Variants in CNTNAP5 observed in about 807,000 individuals in gnomAD.
CNTNAP5 encodes contactin-associated protein-like 5.
In CNTNAP5, 72 loss-of-function variants were observed where a neutral mutation model predicts 150.2. That is an observed-to-expected ratio of 0.48 (90% confidence interval 0.40 to 0.58). CNTNAP5 has a LOEUF of 0.58. CNTNAP5 is among the 20% of genes least tolerant of loss of function. The pLI is 0.00. For missense variants in CNTNAP5, 1,636 were observed against 1,626.2 expected, an observed-to-expected ratio of 1.01 and a Z score of -0.10; for synonymous variants, 672 against 619.8, an observed-to-expected ratio of 1.08 and a Z score of -1.25.
At chr2:124,441,915 T>TA (rs973031191) in intron 5 of CNTNAP5, among the ~76,000 whole-genome samples, 3 of 149,866 alleles carry the variant, frequency 2.0e-5, no homozygotes, top group Admixed American at 2.0e-4. Context: ...GGAGCAATGC[T>TA]AATCCACTTT....
At chr2:124,678,904 A>G (rs985203828) in intron 13 of CNTNAP5, among the ~76,000 whole-genome samples, 5 of 151,962 alleles carry the variant, frequency 3.3e-5, no homozygotes, top group Non-Finnish European at 7.3e-5. Context: ...GCTTAGCACA[A>G]TGCTTGGCAT....
chr2:124,876,645 AGTGACTC>A (rs1217590502), intron 21 of CNTNAP5, among the ~76,000 whole-genome samples: 2 of 151,992 alleles, frequency 1.3e-5, no homozygotes, highest in Non-Finnish European at 2.9e-5. Context: ...TAGCTTCCAA[AGTGACTC>A]CTCTAAAAGA....
At chr2:124,746,246 G>A (rs1485329343) in intron 13 of CNTNAP5, among the ~76,000 whole-genome samples, 3 of 152,090 alleles carry the variant, frequency 2.0e-5, no homozygotes, top group Non-Finnish European at 4.4e-5. Flanking sequence ...TCATCTGCCT[G>A]TCTTGTTTTG....
At chr2:124,806,206 A>G (rs989551940) in intron 19 of CNTNAP5, among the ~76,000 whole-genome samples, 2 of 152,104 alleles carry the variant, frequency 1.3e-5, no homozygotes, top group African/African-American at 2.4e-5. Context: ...TTCACCTCTG[A>G]TTATTCTTGG....
chr2:124,164,290 G>A (rs1048723499), intron 1 of CNTNAP5, among the ~76,000 whole-genome samples: 6 of 152,102 alleles, frequency 3.9e-5, no homozygotes, highest in South Asian at 2.1e-4. Context: ...TACATGGAGC[G>A]GTGCAGTGAC....
chr2:124,457,986 A>G (rs921295111), intron 6 of CNTNAP5, among the ~76,000 whole-genome samples: 1 of 150,176 alleles, frequency 6.7e-6, no homozygotes, highest in South Asian at 2.1e-4. Flanking sequence ...TAGTACAACC[A>G]CTATGGAAAA....
At chr2:124,868,171 A>G (rs1207957245) in intron 20 of CNTNAP5, among the ~76,000 whole-genome samples, 1 of 152,116 alleles carries the variant, frequency 6.6e-6, no homozygotes, top group Non-Finnish European at 1.5e-5. Flanking sequence ...TCCTCAACAT[A>G]GCAGTCAGAG....
chr2:124,763,259 G>A (rs918997457), intron 14 of CNTNAP5, among the ~76,000 whole-genome samples: 8 of 152,148 alleles, frequency 5.3e-5, no homozygotes, highest in African/African-American at 1.9e-4. Context: ...GCTGAAACAA[G>A]TCCTTGGAGT....
intron 1 of CNTNAP5, among the ~76,000 whole-genome samples, chr2:124,135,895 A>G (rs921514511): frequency 1.3e-5 from 2 of 152,148 alleles, no homozygotes; most frequent in African/African-American, 2.4e-5. Flanking sequence ...GACAATCACA[A>G]TCTCCTTCAC....
intron 1 of CNTNAP5, among the ~76,000 whole-genome samples, chr2:124,138,210 C>T (rs1300008833): frequency 1.3e-5 from 2 of 152,178 alleles, no homozygotes; most frequent in Non-Finnish European, 2.9e-5. Flanking sequence ...ACTGATGAGA[C>T]ACTAAGTGTA....
chr2:124,538,454 G>C (rs1405909545), intron 10 of CNTNAP5, among the ~76,000 whole-genome samples: 1 of 151,714 alleles, frequency 6.6e-6, no homozygotes, highest in Non-Finnish European at 1.5e-5. Context: ...CTCCAGCCTG[G>C]GTGACACAGT....
intron 1 of CNTNAP5, among the ~76,000 whole-genome samples, chr2:124,095,648 A>G (rs1000395990): frequency 6.6e-6 from 1 of 152,044 alleles, no homozygotes; most frequent in African/African-American, 2.4e-5. Context: ...CACTTGGTAC[A>G]TTGTTTCTGA....
At chr2:124,864,532 C>CTCTCTCTCTCTCTG (rs1219949684) in intron 19 of CNTNAP5, among the ~76,000 whole-genome samples, 2 of 144,790 alleles carry the variant, frequency 1.4e-5, no homozygotes, top group Admixed American at 1.4e-4. Flanking sequence ...CTAATATTCT[C>CTCTCTCTCTCTCTG]TCTCTCTCTC....
chr2:124,504,140 G>A (rs1283758679), intron 7 of CNTNAP5, among the ~76,000 whole-genome samples, 152 bp from the exon 8 acceptor site: 1 of 152,170 alleles, frequency 6.6e-6, no homozygotes, highest in Non-Finnish European at 1.5e-5. Context: ...GTGTGTCTGA[G>A]CAAAGCCGAC....
At chr2:124,150,156 T>A (rs1231544022) in intron 1 of CNTNAP5, among the ~76,000 whole-genome samples, 2 of 152,184 alleles carry the variant, frequency 1.3e-5, no homozygotes, top group African/African-American at 2.4e-5. Context: ...TATTTCCGAT[T>A]AAAAAAGGAA....
In CNTNAP5 at chr2:124,768,271, ATGTGTGTGTGTGTG is replaced by A. The variant is rs10598326; in HGVS notation, c.2533+4150_2533+4163del. Reference sequence around the variant, plus strand: ...AACTGTACATATATATACTGTATGTATGTGTGTGTGTGTGTGTGTGTGTGTGTGTGTGTGTGTGT... The same window carrying A: ...AACTGTACATATATATACTGTATGTATGTGTGTGTGTGTGTGTGTGTGTGT... On this transcript the variant is annotated intron_variant, in intron 16 of 23. Transcript: ENST00000682447. Among the ~76,000 whole-genome samples the A allele has an allele frequency of 7.6e-5, 10 of 131,322 alleles. No individual in the cohort carries two copies. The South Asian group carries it at 1.1e-3, about 15-fold the overall frequency. The allele number at this position is 131,322 out of a possible 152,430, so 86.2% of individuals were successfully genotyped here. A position where few individuals can be genotyped will look rare whatever the true frequency, so the allele number is the denominator to read the frequency against.
intron 10 of CNTNAP5, among the ~76,000 whole-genome samples, chr2:124,527,737 T>C (rs1023583969): frequency 7.2e-5 from 11 of 152,204 alleles, no homozygotes; most frequent in African/African-American, 2.7e-4. Context: ...ATAAACAACA[T>C]TTGATTACTT....
chr2:124,494,695 G>A (rs73952998), intron 7 of CNTNAP5, among the ~76,000 whole-genome samples: 6,081 of 152,244 alleles, frequency 0.04, 145 homozygotes, highest in Non-Finnish European at 0.042. Context: ...GAGGAGACAA[G>A]CAATTCTGAA....
intron 13 of CNTNAP5, among the ~76,000 whole-genome samples, chr2:124,702,732 G>A (rs17393099): frequency 0.38 from 57,641 of 151,764 alleles, 11,154 homozygotes; most frequent in Non-Finnish European, 0.42. Context: ...TTCCCATTAT[G>A]TAAAAGTAGC....
Sources: allele counts gnomAD v4.1 joint callset (sites outside exome capture counted in the v4.1 genomes callset), GRCh38; gene constraint gnomAD v4.1.1; transcripts MANE v1.5; gene names NCBI Gene and HGNC (gene_info 2026-07-23, HGNC 2026-07-21).